FGD5: variants seen among roughly 807,000 people sequenced by gnomAD.
FGD5 encodes FYVE, RhoGEF and PH domain containing 5.
FGD5 carries 28 observed loss-of-function variants against 133.4 expected under a neutral mutation model. That is an observed-to-expected ratio of 0.21 (90% CI 0.16 to 0.29). FGD5 has a LOEUF of 0.29. Among genes scored for constraint, FGD5 ranks in the 10% least tolerant of loss-of-function variants. The pLI is 1.00. For missense variants in FGD5, 1,858 were observed against 1,895.2 expected, an observed-to-expected ratio of 0.98 and a Z score of 0.36; for synonymous variants, 810 against 776.5, an observed-to-expected ratio of 1.04 and a Z score of -0.72.
intron 1 of FGD5, among the ~76,000 whole-genome samples, chr3:14,837,002 A>G (rs949488747): frequency 6.6e-6 from 1 of 152,162 alleles, no homozygotes; most frequent in Non-Finnish European, 1.5e-5. Context: ...GGTATAAGGG[A>G]CCTAGGGTGC....
At chr3:14,861,530 A>G (rs1454169090) in intron 1 of FGD5, among the ~76,000 whole-genome samples, 2 of 152,226 alleles carry the variant, frequency 1.3e-5, no homozygotes, top group African/African-American at 4.8e-5. Flanking sequence ...AAAGGGACCA[A>G]GCATGGAGAG....
intron 9 of FGD5, among the ~76,000 whole-genome samples, chr3:14,906,952 G>T (rs1447782307): frequency 6.6e-6 from 1 of 152,184 alleles, no homozygotes; most frequent in Non-Finnish European, 1.5e-5. Context: ...AAATGGAAAT[G>T]GAACCACAAT....
chr3:14,844,242 A>ATG (rs1384683928), intron 1 of FGD5, among the ~76,000 whole-genome samples: 1 of 48,076 alleles, frequency 2.1e-5, no homozygotes, highest in Non-Finnish European at 3.9e-5. Context: ...ATATATATAT[A>ATG]TATATATATA....
Position 14,887,937 on chromosome 3 carries a change from G to A in FGD5, c.2748+7165G>A, listed in dbSNP as rs144646331. On this transcript the variant is annotated intron_variant, in intron 4 of 19. Coordinates refer to ENST00000285046, the MANE Select transcript of FGD5 (RefSeq NM_152536.4). The stretch of plus-strand genomic sequence containing the variant: ...TCCCAACAATTTGGGAGACCAAGGC[G>A]GGAAGATTGTTTAAGGCCAGGAGTT... Among the ~76,000 whole-genome samples, 16 of 152,134 alleles carry A rather than the reference G, an allele frequency of 1.1e-4. No individual in the cohort carries two copies. The South Asian group carries it at 1.2e-3, about 12-fold the overall frequency.
intron 1 of FGD5, among the ~76,000 whole-genome samples, chr3:14,826,671 G>A (rs576987158): frequency 6.6e-6 from 1 of 152,206 alleles, no homozygotes; most frequent in African/African-American, 2.4e-5. Context: ...AGGTCACATA[G>A]TGGTGGATGC....
chr3:14,848,126 G>C (rs1157002358), intron 1 of FGD5, among the ~76,000 whole-genome samples: 1 of 152,190 alleles, frequency 6.6e-6, no homozygotes, highest in Non-Finnish European at 1.5e-5. Flanking sequence ...CCTGGGAGGT[G>C]GGTGGAGGAG....
chr3:14,823,819 G>A (rs916601927), intron 1 of FGD5, among the ~76,000 whole-genome samples: 2 of 152,210 alleles, frequency 1.3e-5, no homozygotes, highest in Non-Finnish European at 2.9e-5. Flanking sequence ...TTGGCTATAT[G>A]TGAAGGACCT....
In FGD5 at chr3:14,819,670, A is replaced by G. The variant is rs373869642; in HGVS notation, c.599A>G (p.His200Arg). The G allele has an allele frequency of 2.6e-4, 399 of 1,546,566 alleles. 3 individuals carry two copies. The African/African-American group carries it at 5.1e-3, about 20-fold the overall frequency. The change falls in exon 1 of 20, where the codon CAT becomes CGT. Residue 200 changes from histidine (H) to arginine (R), a missense_variant. Around this residue, in one of 3 missense-constraint regions of FGD5, gnomAD observed 1,824 missense variants for 1,848.9 expected, o/e 0.99. Coordinates refer to ENST00000285046, the MANE Select transcript of FGD5 (RefSeq NM_152536.4). The surrounding 1 kb of genome is among the most constrained non-coding windows in gnomAD (Gnocchi z 4.1). ...AGCGACCTCCTCCTGCCTCACATCC[A>G]TGGAGAGGACCAGGAGCCCCCCGAC... The part of the protein sequence containing the change: ...FQSDLLLPHI[H>R]GEDQEPPDTP...
Position 14,854,455 on chromosome 3 carries a change from G to A in FGD5, c.2526-9673G>A, listed in dbSNP as rs113768423. ...TTTATTGAGACGAGCTCACTCTGTC[G>A]CCCAGGCTGGACTGCAGTGGCGTGA... On this transcript the variant is annotated intron_variant, in intron 1 of 19. Coordinates refer to ENST00000285046, the MANE Select transcript of FGD5 (RefSeq NM_152536.4). Among the ~76,000 whole-genome samples, 7 of 148,904 alleles carry A rather than the reference G, an allele frequency of 4.7e-5. No homozygotes were observed. The South Asian group carries it at 6.3e-4, about 13-fold the overall frequency.
In FGD5 at chr3:14,908,949, T is replaced by TTCATTC. The variant is rs1553630947; in HGVS notation, c.3336+1238_3336+1239insTCATTC. On this transcript the variant is annotated intron_variant, in intron 10 of 19. Coordinates refer to ENST00000285046, the MANE Select transcript of FGD5 (RefSeq NM_152536.4). The stretch of plus-strand genomic sequence containing the variant: ...TTATTTATTTATTTATTTATTTATT[T>TTCATTC]ATTCATTCATTCATTCATTCATCCA... Among the ~76,000 whole-genome samples the TTCATTC allele has an allele frequency of 2.8e-3, 389 of 141,132 alleles. 1 individual carries two copies. Among genetic ancestry groups the TTCATTC allele is most frequent in the East Asian group, 6.9e-3 (31 of 4,488 alleles). 92.6% of individuals were successfully genotyped at this position (141,132 alleles called of 152,430 possible).
intron 1 of FGD5, among the ~76,000 whole-genome samples, chr3:14,828,628 G>A (rs2036646281): frequency 6.6e-6 from 1 of 152,120 alleles, no homozygotes; most frequent in African/African-American, 2.4e-5. Context: ...TGTCTGTGCT[G>A]TTCTAGGTAG....
intron 12 of FGD5, among the ~76,000 whole-genome samples, chr3:14,918,078 TGTGA>T (rs1380924405): frequency 1.3e-5 from 2 of 152,218 alleles, no homozygotes; most frequent in African/African-American, 4.8e-5. Context: ...TTTAGGCTGT[TGTGA>T]GTAATACTGC....
rs1238118445 is a variant in FGD5 at position 14,913,049 on chromosome 3, A to C, written c.3405+2120A>C. 3.3e-5 allele frequency among the ~76,000 whole-genome samples: 5 copies of C among 152,094 alleles called. No individual in the cohort carries two copies. In the East Asian group the frequency reaches 9.7e-4, roughly 29 times the overall value. ...AGATTCCATCTCAAAAAAAAAAAAA[A>C]TTCTCTCCATTGAGAGAAATCCCCA... On this transcript the variant is annotated intron_variant, in intron 11 of 19. Transcript: ENST00000285046.
At chr3:14,857,236 AC>A (rs34915656) in intron 1 of FGD5, among the ~76,000 whole-genome samples, 4 of 150,016 alleles carry the variant, frequency 2.7e-5, no homozygotes, top group African/African-American at 7.4e-5. Context: ...AGCAGCCTCC[AC>A]CCCCCCAGGC....
intron 1 of FGD5, among the ~76,000 whole-genome samples, chr3:14,848,727 G>A (rs956979203): frequency 2.6e-5 from 4 of 152,214 alleles, no homozygotes; most frequent in Admixed American, 2.0e-4. Context: ...ACCCATGCAA[G>A]TGTAGGACCT....
chr3:14,857,070 A>G (rs574678889), intron 1 of FGD5, among the ~76,000 whole-genome samples: 1 of 151,980 alleles, frequency 6.6e-6, no homozygotes, highest in African/African-American at 2.4e-5. Context: ...ATTTATTGAG[A>G]GTTTTTATCA....
At chr3:14,848,411 G>T (rs2037095272) in intron 1 of FGD5, among the ~76,000 whole-genome samples, 2 of 151,596 alleles carry the variant, frequency 1.3e-5, no homozygotes, top group Non-Finnish European at 2.9e-5. Flanking sequence ...GCCCCCATCT[G>T]TTAAGTAGGT....
intron 1 of FGD5, among the ~76,000 whole-genome samples, chr3:14,812,340 G>C (rs2125062755): frequency 6.6e-6 from 1 of 152,316 alleles, no homozygotes; most frequent in African/African-American, 2.4e-5. Flanking sequence ...TGCTGGCGTG[G>C]CTGAACAGAG....
chr3:14,926,887 C>G (rs1575265949), intron 18 of FGD5, among the ~76,000 whole-genome samples: 1 of 152,084 alleles, frequency 6.6e-6, no homozygotes, highest in South Asian at 2.1e-4. Context: ...TGTATTCTGA[C>G]GAGCTGCAGA....
Sources: gnomAD v4.1 joint callset for allele counts (sites outside exome capture counted in the v4.1 genomes callset) on GRCh38, gnomAD v4.1.1 for gene constraint, gnomAD v4.1.1 regional missense constraint, Gnocchi (gnomAD v3.1) non-coding constraint, MANE v1.5 for transcripts, NCBI Gene and HGNC (gene_info 2026-07-23, HGNC 2026-07-21) for gene names.